The following DNAH7 variants were observed in gnomAD, a reference collection of about 807,000 sequenced individuals.
DNAH7 encodes dynein axonemal heavy chain 7.
Under a neutral mutation model 444.6 loss-of-function variants are expected in DNAH7, and 397 were observed. The observed-to-expected ratio is 0.89, with a 90% CI of 0.82 to 0.97. The LOEUF is 0.97. Ranked by LOEUF, DNAH7 falls within the 50% of genes least tolerant of loss-of-function variation. DNAH7 has a pLI of 0.00. For synonymous variants in DNAH7, 1,636 were observed against 1,624.4 expected (o/e 1.01, Z -0.17); for missense variants, 4,902 against 4,800.8 (o/e 1.02, Z -0.62).
chr2:196,047,526 C>A (rs754744211), intron 4 of DNAH7, 27 bp from the exon 5 acceptor site: 2 of 1,502,692 alleles, frequency 1.3e-6, no homozygotes, highest in Non-Finnish European at 1.8e-6. Flanking sequence ...AAAAAAAGCA[C>A]AATTATTCAT....
Position 195,960,818 on chromosome 2 carries a change from C to G in DNAH7, c.2333G>C (p.Ser778Thr). The G allele has an allele frequency of 1.2e-6, 2 of 1,614,100 alleles. No individual in the cohort carries two copies. The highest frequency in any genetic ancestry group is 8.5e-7 in the Non-Finnish European group (1 of 1,180,024). The stretch of plus-strand genomic sequence containing the variant: ...CCCTTCTGTCCATGCTCTATAGTTG[C>G]TGCTAAATTCGACAGCAGTTTCATA... ...RLYETAVEFS[S>T]NYRAWTEGPY... is the part of the protein sequence containing the mutation. Residue 778 changes from serine (S) to threonine (T), a missense_variant, in exon 18 of 65, where the codon AGC (serine) becomes ACC (threonine). Physicochemically the swap from Ser to Thr is moderately conservative, Grantham distance 58. Coordinates refer to ENST00000312428, the MANE Select transcript of DNAH7 (RefSeq NM_018897.3).
Position 195,754,505 on chromosome 2 carries a change from C to G in DNAH7, c.11596G>C (p.Glu3866Gln). The stretch of plus-strand genomic sequence containing the variant: ...CAGAAGACTGGAGGAGGACCAACCT[C>G]ATACCATTGCTAGGGTGTAAAACAC... The part of the protein sequence containing the change: ...ARLKFLQQWY[E>Q]VGPPPVFWLS... Residue 3866 changes from glutamate (E) to glutamine (Q), a missense_variant, in exon 63 of 65, where the codon GAG (glutamate) becomes CAG (glutamine). Physicochemically the swap from Glu to Gln is conservative, Grantham distance 29 (BLOSUM62 2). Coordinates refer to ENST00000312428, the MANE Select transcript of DNAH7 (RefSeq NM_018897.3). 6.2e-7 allele frequency: 1 copy of G among 1,613,856 alleles called. No individual in the cohort carries two copies. Among genetic ancestry groups the G allele is most frequent in the Non-Finnish European group, 8.5e-7 (1 of 1,179,876 alleles).
intron 12 of DNAH7, chr2:195,995,381 A>T: frequency 3.9e-6 from 2 of 514,330 alleles, no homozygotes; most frequent in South Asian, 2.9e-5. Flanking sequence ...TGGTGAGCAC[A>T]CCAAGGGATG....
At chr2:195,793,752 A>G (rs1303630136) in intron 57 of DNAH7, among the ~76,000 whole-genome samples, 7 of 152,224 alleles carry the variant, frequency 4.6e-5, no homozygotes, top group Admixed American at 4.6e-4. Context: ...TAAAGTTCAT[A>G]ACCCCTCTTA....
At chr2:195,752,967 C>G (rs956872985) in intron 63 of DNAH7, among the ~76,000 whole-genome samples, 2 of 152,152 alleles carry the variant, frequency 1.3e-5, no homozygotes, top group Admixed American at 1.3e-4. Context: ...AGCGGAGATA[C>G]AGGACAGCAG....
At chr2:195,870,922 C>T (rs535459544) in intron 40 of DNAH7, among the ~76,000 whole-genome samples, 2 of 152,244 alleles carry the variant, frequency 1.3e-5, no homozygotes, top group East Asian at 3.9e-4. Flanking sequence ...CAGCATCATC[C>T]TCCCTGTTCA....
intron 2 of DNAH7, among the ~76,000 whole-genome samples, chr2:196,051,591 C>A (rs1697472336): frequency 6.6e-6 from 1 of 151,998 alleles, no homozygotes; most frequent in Non-Finnish European, 1.5e-5. Context: ...CATGGTGAAA[C>A]CCCGTCTCTA....
chr2:195,847,795 G>T (rs1244698034), intron 46 of DNAH7, among the ~76,000 whole-genome samples: 1 of 152,120 alleles, frequency 6.6e-6, no homozygotes, highest in African/African-American at 2.4e-5. Flanking sequence ...AGGAGAGACG[G>T]AAAACTTTTA....
At chr2:195,860,317 A>C (rs969187037) in intron 42 of DNAH7, among the ~76,000 whole-genome samples, 1 of 152,142 alleles carries the variant, frequency 6.6e-6, no homozygotes, top group Non-Finnish European at 1.5e-5. Flanking sequence ...AAATTTAATC[A>C]ATCTCCAAGA....
chr2:195,826,099 CCACAGTGAA>C (rs1697733752), intron 48 of DNAH7, among the ~76,000 whole-genome samples: 1 of 152,054 alleles, frequency 6.6e-6, no homozygotes, highest in Non-Finnish European at 1.5e-5. Flanking sequence ...ATTAATAATG[CCACAGTGAA>C]CATCTTTATG....
chr2:195,855,028 C>T (rs1289940757), intron 45 of DNAH7, among the ~76,000 whole-genome samples: 2 of 152,160 alleles, frequency 1.3e-5, no homozygotes, highest in Admixed American at 6.5e-5. Context: ...GGGTTCAGGT[C>T]TCAGACTTGA....
chr2:195,761,704 A>C (rs1229121555), intron 61 of DNAH7, among the ~76,000 whole-genome samples: 1 of 152,202 alleles, frequency 6.6e-6, no homozygotes, highest in African/African-American at 2.4e-5. Context: ...GAAGGAACAA[A>C]ACTTTTACCC....
At chr2:196,037,228 T>G (rs1244719982) in intron 5 of DNAH7, among the ~76,000 whole-genome samples, 1 of 151,852 alleles carries the variant, frequency 6.6e-6, no homozygotes, top group African/African-American at 2.4e-5. Context: ...GTTAACATAC[T>G]GATACATTCA....
intron 9 of DNAH7, 59 bp from the exon 10 acceptor site, chr2:196,012,965 T>C (rs1402386064): frequency 8.2e-7 from 1 of 1,222,962 alleles, no homozygotes; most frequent in African/African-American, 1.6e-5. Context: ...TTTAATATTT[T>C]ATTAATTGGT....
rs549278035 is a variant in DNAH7, at chr2:195,959,443, T to A, written c.2891+817A>T. Among the ~76,000 whole-genome samples the A allele has an allele frequency of 6.5e-3, 988 of 152,268 alleles. 5 individuals are homozygous for A. Among genetic ancestry groups the A allele is most frequent in the Middle Eastern group, 0.027 (8 of 294 alleles). The stretch of plus-strand genomic sequence containing the variant: ...TAGATGTACCACTTTCAGAGTAGTT[T>A]AAAAATTCTTCTCTTAATGTGCATG... On this transcript the variant is annotated intron_variant, in intron 18 of 64. Transcript: ENST00000312428.
chr2:195,794,827 G>T (rs3817422), intron 56 of DNAH7, among the ~76,000 whole-genome samples: 1 of 152,008 alleles, frequency 6.6e-6, no homozygotes, highest in Non-Finnish European at 1.5e-5. Context: ...TAACTAAGAC[G>T]TTCCCAAAAC....
rs758923476 is a variant in DNAH7, at chr2:195,824,426, G to A, written c.9120C>T (p.Gly3040=). 1.0e-5 allele frequency: 16 copies of A among 1,602,574 alleles called. No individual in the cohort carries two copies. Among genetic ancestry groups the A allele is most frequent in the African/African-American group, 4.0e-5 (3 of 74,580 alleles). Reference sequence around the variant, plus strand: ...GTTCCAAAATAGGATCTAGTTCTTCGCCAACATTTTCTAGCAACACTGGAG... The same window carrying A: ...GTTCCAAAATAGGATCTAGTTCTTCACCAACATTTTCTAGCAACACTGGAG... ...FGTPVLLENV[G]EELDPILEPL... The change falls in exon 49 of 65, where the codon GGC becomes GGT. Residue 3040 remains glycine (G), a synonymous_variant. Transcript: ENST00000312428.
In DNAH7 at chr2:195,923,755, G is replaced by A; in HGVS notation, c.3665C>T (p.Thr1222Ile). Residue 1222 changes from threonine to isoleucine, a missense_variant, in exon 23 of 65, where the codon ACT becomes ATT. Physicochemically the swap from Thr to Ile is moderately conservative, Grantham distance 89. Coordinates refer to ENST00000312428, the MANE Select transcript of DNAH7 (RefSeq NM_018897.3). ...TCNRQIDDIV[T>I]LVRGKLSMQN... ...CATGGACAATTTGCCACGCACCAAA[G>A]TGACAATATCATCAATTTGTCTGTT... is the stretch of plus-strand genomic sequence containing the variant. 1 of 1,614,066 alleles carries A rather than the reference G, an allele frequency of 6.2e-7. No homozygotes were observed. The highest frequency in any genetic ancestry group is 8.5e-7 in the Non-Finnish European group (1 of 1,180,016).
chr2:196,015,472 T>C (rs1037771732), intron 9 of DNAH7, among the ~76,000 whole-genome samples: 1 of 152,228 alleles, frequency 6.6e-6, no homozygotes, highest in East Asian at 1.9e-4. Flanking sequence ...TACATTCAAC[T>C]ATGATGATTT....
Sources: gnomAD v4.1 joint callset for allele counts (sites outside exome capture counted in the v4.1 genomes callset) on GRCh38, gnomAD v4.1.1 for gene constraint, MANE v1.5 for transcripts, NCBI Gene and HGNC (gene_info 2026-07-23, HGNC 2026-07-21) for gene names.